The following CSMD1 variants were observed in gnomAD, a reference collection of about 807,000 sequenced individuals.
CSMD1 encodes the protein CUB and Sushi multiple domains 1.
CSMD1 carries 213 observed loss-of-function variants against 417.5 expected under a neutral mutation model. The ratio of observed to expected loss-of-function variants is 0.51; its 90% CI spans 0.46 to 0.57. The LOEUF is 0.57. Among genes scored for constraint, CSMD1 ranks in the 20% least tolerant of loss-of-function variants. CSMD1 has a pLI of 0.00. For synonymous variants in CSMD1, 2,862 were observed against 1,736.8 expected, an observed-to-expected ratio of 1.65 and a Z score of -16.11; for missense variants, 6,923 against 4,529.7, an observed-to-expected ratio of 1.53 and a Z score of -15.17.
intron 1 of CSMD1, among the ~76,000 whole-genome samples, chr8:4,821,831 G>C (rs899577950): frequency 1.3e-5 from 2 of 152,098 alleles, no homozygotes; most frequent in Non-Finnish European, 2.9e-5. Context: ...AACAAACTCA[G>C]ATCAGAAAAG....
chr8:3,640,059 A>G (rs13268426), intron 7 of CSMD1, among the ~76,000 whole-genome samples: 74,469 of 151,584 alleles, frequency 0.49, 18,457 homozygotes, highest in Middle Eastern at 0.63. Flanking sequence ...ATCTAATTGC[A>G]TAAGAAGCAG....
At chr8:4,065,816 G>C (rs749013795) in intron 3 of CSMD1, among the ~76,000 whole-genome samples, 4 of 152,156 alleles carry the variant, frequency 2.6e-5, no homozygotes, top group Non-Finnish European at 5.9e-5. Flanking sequence ...TGCTTGAGGA[G>C]TTTTCTTTTT....
intron 3 of CSMD1, among the ~76,000 whole-genome samples, chr8:4,347,802 A>C (rs978212670): frequency 1.3e-5 from 2 of 152,074 alleles, no homozygotes; most frequent in South Asian, 2.1e-4. Context: ...TAAAATCTAT[A>C]ATCACTTAAA....
intron 3 of CSMD1, among the ~76,000 whole-genome samples, chr8:4,176,014 C>T (rs763550579): frequency 2.0e-4 from 30 of 152,190 alleles, no homozygotes; most frequent in Admixed American, 9.2e-4. Flanking sequence ...CCAGGCTTCT[C>T]GCCATAGCCA....
intron 7 of CSMD1, among the ~76,000 whole-genome samples, chr8:3,621,927 T>G (rs1456353688): frequency 6.6e-6 from 1 of 151,922 alleles, no homozygotes; most frequent in Non-Finnish European, 1.5e-5. Flanking sequence ...CTTATAATGG[T>G]TAAAACCAGC....
intron 3 of CSMD1, among the ~76,000 whole-genome samples, chr8:4,058,974 A>G (rs1798835363): frequency 6.6e-6 from 1 of 151,876 alleles, no homozygotes; most frequent in East Asian, 1.9e-4. Context: ...TCCACCCCAA[A>G]TCAACACAAC....
intron 2 of CSMD1, among the ~76,000 whole-genome samples, chr8:4,530,299 A>G (rs1327886111): frequency 1.2e-5 from 1 of 80,520 alleles, no homozygotes; most frequent in South Asian, 4.7e-4. Flanking sequence ...TTCACAGTTT[A>G]TCGTACAGGT....
At chr8:3,447,934 A>G (rs1169855720) in intron 12 of CSMD1, among the ~76,000 whole-genome samples, 1 of 152,088 alleles carries the variant, frequency 6.6e-6, no homozygotes, top group African/African-American at 2.4e-5. Flanking sequence ...TTTCTCTGTC[A>G]TTTACAGACA....
chr8:3,865,530 G>A (rs1370468652), intron 5 of CSMD1, among the ~76,000 whole-genome samples: 3 of 151,962 alleles, frequency 2.0e-5, no homozygotes, highest in East Asian at 1.9e-4. Context: ...GTTGGGGGTG[G>A]AGGCAATGAG....
At chr8:2,973,959 A>G (rs866077474) in intron 56 of CSMD1, among the ~76,000 whole-genome samples, 138 of 124,218 alleles carry the variant, frequency 1.1e-3, no homozygotes, top group Admixed American at 1.3e-3. Context: ...GTAGAGGATG[A>G]TGGTAGAGGA....
At chr8:4,419,859 C>A (rs1187907348) in intron 3 of CSMD1, 94 bp downstream of exon 3, 14 of 867,804 alleles carry the variant, frequency 1.6e-5, no homozygotes, top group Non-Finnish European at 2.4e-5. Flanking sequence ...CGACCTGCGA[C>A]ATAGCAGCCT....
chr8:3,435,414 A>T lies in CSMD1; in HGVS notation c.1562-25809T>A, dbSNP rs548882773. On this transcript the variant is annotated intron_variant, in intron 12 of 69. Transcript: ENST00000635120. Reference sequence around the variant, plus strand: ...TCTGGAGACCTCATAGAAATGCCTGAAACATCACCTGTGGATGCCTATTGA... The same window carrying T: ...TCTGGAGACCTCATAGAAATGCCTGTAACATCACCTGTGGATGCCTATTGA... Among the ~76,000 whole-genome samples the T allele has an allele frequency of 3.9e-5, 6 of 152,180 alleles. No individual in the cohort carries two copies. In the East Asian group the frequency reaches 1.2e-3, roughly 30 times the overall value.
At chr8:4,167,070 A>G (rs1295044675) in intron 3 of CSMD1, among the ~76,000 whole-genome samples, 1 of 152,166 alleles carries the variant, frequency 6.6e-6, no homozygotes, top group Admixed American at 6.5e-5. Context: ...AGGAGAAAAA[A>G]ACTTAGAATA....
At chr8:4,053,657 G>C (rs1009060828) in intron 3 of CSMD1, among the ~76,000 whole-genome samples, 8 of 151,928 alleles carry the variant, frequency 5.3e-5, no homozygotes, top group African/African-American at 1.9e-4. Flanking sequence ...CATATACATA[G>C]AAACATACCC....
rs934124466 is a variant in CSMD1, at chr8:2,936,214, T to C, written c.*2371A>G. On this transcript the variant is annotated 3_prime_UTR_variant, in exon 70 of 70. Coordinates refer to ENST00000635120, the MANE Select transcript of CSMD1 (RefSeq NM_033225.6). ...AAGGAAAATCATATCTAATTTGATA[T>C]GTGGTTTCTTGTATGTATGTATGTC... 3 of 148,860 alleles carry C rather than the reference T, an allele frequency of 2.0e-5. No homozygotes were observed. Among genetic ancestry groups the C allele is most frequent in the African/African-American group, 7.5e-5 (3 of 39,984 alleles). 9.2% of individuals were successfully genotyped at this position (148,860 alleles called of 1,614,324 possible).
intron 1 of CSMD1, among the ~76,000 whole-genome samples, chr8:4,732,491 A>G (rs1245025737): frequency 6.6e-6 from 1 of 152,028 alleles, no homozygotes; most frequent in Non-Finnish European, 1.5e-5. Context: ...CATTTTCACC[A>G]TCGATTACTT....
At chr8:3,386,836 G>A (rs1328158616) in intron 18 of CSMD1, among the ~76,000 whole-genome samples, 1 of 152,058 alleles carries the variant, frequency 6.6e-6, no homozygotes, top group Non-Finnish European at 1.5e-5. Flanking sequence ...AATACCCCAA[G>A]TTTTTTTGGC....
At chr8:4,102,454 T>A (rs776245627) in intron 3 of CSMD1, among the ~76,000 whole-genome samples, 5 of 152,180 alleles carry the variant, frequency 3.3e-5, no homozygotes, top group Non-Finnish European at 5.9e-5. Context: ...AAGTCCTTGG[T>A]CAGTTTCAGG....
chr8:4,042,286 C>T (rs1375638050), intron 3 of CSMD1, among the ~76,000 whole-genome samples: 1 of 152,062 alleles, frequency 6.6e-6, no homozygotes, highest in Non-Finnish European at 1.5e-5. Flanking sequence ...AGCATCCCTA[C>T]TAGTGGGGGT....
Sources: allele counts gnomAD v4.1 joint callset (sites outside exome capture counted in the v4.1 genomes callset), GRCh38; gene constraint gnomAD v4.1.1; transcripts MANE v1.5; gene names NCBI Gene and HGNC (gene_info 2026-07-23, HGNC 2026-07-21).